TTC29: variants seen among roughly 807,000 people sequenced by gnomAD.
The protein encoded by TTC29 is tetratricopeptide repeat domain 29.
TTC29 carries 49 observed loss-of-function variants against 58.1 expected under a neutral mutation model. The observed-to-expected ratio is 0.84, with a 90% CI of 0.67 to 1.07. TTC29 has a LOEUF of 1.07. TTC29 is among the 50% of genes least tolerant of loss of function. The pLI is 0.00. For missense variants in TTC29, 582 were observed against 555.6 expected, an observed-to-expected ratio of 1.05 and a Z score of -0.48; for synonymous variants, 209 against 196.8, an observed-to-expected ratio of 1.06 and a Z score of -0.52.
intron 11 of TTC29, among the ~76,000 whole-genome samples, chr4:146,780,308 T>TGC (rs1454644322): frequency 8.9e-4 from 67 of 75,430 alleles, no homozygotes; most frequent in African/African-American, 3.6e-3. Context: ...TTGGGGTGTG[T>TGC]GTGTGTGTGT....
chr4:146,766,647 T>C (rs974367141), intron 11 of TTC29, among the ~76,000 whole-genome samples: 1 of 152,112 alleles, frequency 6.6e-6, no homozygotes, highest in African/African-American at 2.4e-5. Context: ...TGCAGTGATT[T>C]TCAAAACTGG....
intron 11 of TTC29, among the ~76,000 whole-genome samples, chr4:146,762,026 ATCATGTC>A (rs1746946669): frequency 6.6e-6 from 1 of 151,946 alleles, no homozygotes. Flanking sequence ...CTGGGCTCAA[ATCATGTC>A]TTATGGCAGT....
Position 146,708,099 on chromosome 4 carries a change from C to T in TTC29, c.1331-548G>A, listed in dbSNP as rs192126288. 7.2e-5 allele frequency among the ~76,000 whole-genome samples: 11 copies of T among 151,978 alleles called. No homozygotes were observed. In the East Asian group the frequency reaches 1.9e-3, roughly 27 times the overall value. On this transcript the variant is annotated intron_variant, in intron 11 of 12. Coordinates refer to ENST00000325106, the MANE Select transcript of TTC29 (RefSeq NM_031956.4). Reference sequence around the variant, plus strand: ...TGACCCTTCAAACCAGCCCATCTGTCAGCTGAATACTACTTAGTGACTTCA... The same window carrying T: ...TGACCCTTCAAACCAGCCCATCTGTTAGCTGAATACTACTTAGTGACTTCA...
intron 5 of TTC29, among the ~76,000 whole-genome samples, chr4:146,907,108 C>A (rs556552268): frequency 1.3e-5 from 2 of 152,214 alleles, no homozygotes; most frequent in African/African-American, 4.8e-5. Context: ...GTTGACAGAA[C>A]AAGAGTTTGT....
intron 11 of TTC29, among the ~76,000 whole-genome samples, chr4:146,754,103 C>T (rs1746244338): frequency 6.6e-6 from 1 of 150,984 alleles, no homozygotes; most frequent in Non-Finnish European, 1.5e-5. Flanking sequence ...TTTGGTAAAT[C>T]TGTTTGTTAA....
chr4:146,718,894 G>A (rs372542932), intron 11 of TTC29, among the ~76,000 whole-genome samples: 5 of 152,100 alleles, frequency 3.3e-5, no homozygotes, highest in Non-Finnish European at 4.4e-5. Flanking sequence ...TATGATGTGC[G>A]TTAAGGTTCA....
At chr4:146,708,190 G>A (rs1742128821) in intron 11 of TTC29, among the ~76,000 whole-genome samples, 2 of 151,514 alleles carry the variant, frequency 1.3e-5, no homozygotes, top group South Asian at 4.2e-4. Flanking sequence ...TAATAAAATG[G>A]CTACTGAAAA....
intron 11 of TTC29, among the ~76,000 whole-genome samples, chr4:146,731,218 T>C (rs1214303651): frequency 6.6e-6 from 1 of 152,112 alleles, no homozygotes; most frequent in Admixed American, 6.6e-5. Context: ...CATTATCTTT[T>C]GAGTGTTTCT....
chr4:146,761,886 G>T (rs1156763795), intron 11 of TTC29, among the ~76,000 whole-genome samples: 1 of 151,708 alleles, frequency 6.6e-6, no homozygotes, highest in African/African-American at 2.4e-5. Context: ...TAAGAATTCT[G>T]ATTAAAATTA....
chr4:146,903,310 C>A (rs1252101869), intron 6 of TTC29, among the ~76,000 whole-genome samples: 3 of 152,012 alleles, frequency 2.0e-5, no homozygotes, highest in Non-Finnish European at 2.9e-5. Context: ...CGGGTGGGAA[C>A]TGTAGGCTGA....
At chr4:146,878,718 C>T (rs910929728) in intron 6 of TTC29, among the ~76,000 whole-genome samples, 9 of 152,166 alleles carry the variant, frequency 5.9e-5, no homozygotes, top group Non-Finnish European at 1.3e-4. Flanking sequence ...TTCCTAGTCT[C>T]TTCCAGTTCT....
At chr4:146,824,297 A>G (rs949545183) in intron 9 of TTC29, among the ~76,000 whole-genome samples, 22 of 152,150 alleles carry the variant, frequency 1.4e-4, no homozygotes, top group African/African-American at 5.1e-4. Context: ...GTTTATTGAG[A>G]GTTTTTAACA....
At chr4:146,757,046 C>A (rs914590618) in intron 11 of TTC29, among the ~76,000 whole-genome samples, 30 of 151,944 alleles carry the variant, frequency 2.0e-4, no homozygotes, top group African/African-American at 7.0e-4. Flanking sequence ...TCAGGGATTT[C>A]TTCTTGGTTT....
intron 9 of TTC29, among the ~76,000 whole-genome samples, chr4:146,826,540 C>A (rs1440192489): frequency 6.6e-6 from 1 of 152,162 alleles, no homozygotes; most frequent in African/African-American, 2.4e-5. Context: ...CCACCCTTAA[C>A]AGTTTTTCCT....
intron 11 of TTC29, among the ~76,000 whole-genome samples, chr4:146,720,900 C>CAGAT (rs1468899891): frequency 2.0e-5 from 3 of 152,048 alleles, no homozygotes; most frequent in African/African-American, 7.2e-5. Flanking sequence ...ACACACTCAA[C>CAGAT]AGATATTCAT....
chr4:146,841,604 C>T (rs1280092185), intron 8 of TTC29, among the ~76,000 whole-genome samples: 1 of 151,910 alleles, frequency 6.6e-6, no homozygotes, highest in African/African-American at 2.4e-5. Context: ...GTACCTATTC[C>T]TTTCTCTGCT....
chr4:146,926,302 C>T (rs1425262791), intron 4 of TTC29, among the ~76,000 whole-genome samples: 1 of 152,054 alleles, frequency 6.6e-6, no homozygotes. Context: ...TTCTGTAGTC[C>T]TTCGCATCTT....
At chr4:146,745,339 G>A (rs1745464384) in intron 11 of TTC29, among the ~76,000 whole-genome samples, 2 of 152,204 alleles carry the variant, frequency 1.3e-5, no homozygotes, top group African/African-American at 2.4e-5. Context: ...AAAATGAAAT[G>A]CTGGCAGGTA....
chr4:146,752,965 C>G (rs1006491052), intron 11 of TTC29, among the ~76,000 whole-genome samples: 1 of 152,156 alleles, frequency 6.6e-6, no homozygotes, highest in Non-Finnish European at 1.5e-5. Flanking sequence ...AAAACCTAGG[C>G]AATACCATTC....
Sources: allele counts gnomAD v4.1 joint callset (sites outside exome capture counted in the v4.1 genomes callset), GRCh38; gene constraint gnomAD v4.1.1; transcripts MANE v1.5; gene names NCBI Gene and HGNC (gene_info 2026-07-23, HGNC 2026-07-21).